Variants in CAMSAP1 observed in about 807,000 individuals in gnomAD.
CAMSAP1 encodes the protein calmodulin regulated spectrin associated protein 1.
Under a neutral mutation model 143.5 loss-of-function variants are expected in CAMSAP1, and 58 were observed. The ratio of observed to expected loss-of-function variants is 0.40; its 90% confidence interval spans 0.33 to 0.50. The LOEUF is 0.50. Among genes scored for constraint, CAMSAP1 ranks in the 20% least tolerant of loss-of-function variants. The pLI, the probability that CAMSAP1 is intolerant of heterozygous loss-of-function variation, is 0.45. For missense variants in CAMSAP1, 1,969 were observed against 2,115.7 expected, an observed-to-expected ratio of 0.93 and a Z score of 1.36; for synonymous variants, 945 against 859.3, an observed-to-expected ratio of 1.10 and a Z score of -1.74.
At chr9:135,902,360 C>T (rs1295842241) in intron 1 of CAMSAP1, among the ~76,000 whole-genome samples, 3 of 152,232 alleles carry the variant, frequency 2.0e-5, no homozygotes, top group Admixed American at 2.0e-4. Flanking sequence ...GCAGCCTCTT[C>T]ACACCAAGAC....
At chr9:135,813,854 T>A (rs1392423197) in intron 16 of CAMSAP1, among the ~76,000 whole-genome samples, 1 of 152,202 alleles carries the variant, frequency 6.6e-6, no homozygotes, top group Non-Finnish European at 1.5e-5. Flanking sequence ...GCTCAGGGCA[T>A]CCAGTCTCAA....
chr9:135,858,699 G>C (rs1334053182), intron 5 of CAMSAP1, among the ~76,000 whole-genome samples: 1 of 152,256 alleles, frequency 6.6e-6, no homozygotes, highest in Non-Finnish European at 1.5e-5. Flanking sequence ...GTGAATCAGA[G>C]GTGGCAGCAT....
chr9:135,811,533 A>G lies in CAMSAP1; in HGVS notation c.4585T>C (p.Tyr1529His). The change falls in exon 17 of 17, where the codon TAC becomes CAC. Residue 1529 changes from tyrosine (Y) to histidine (H), a missense_variant. By Grantham distance (83) the Tyr-to-His change is moderately conservative. This residue lies in a region of CAMSAP1 where 143 missense variants were observed against 200.6 expected (regional missense o/e 0.71). Coordinates refer to ENST00000389532, the MANE Select transcript of CAMSAP1 (RefSeq NM_015447.4). This position sits in a 1 kb window ranked among gnomAD's most constrained non-coding sequence, Gnocchi z 4.9. ...TAGATTTCCTCAGTATCAGGATAGT[A>G]GCAGTAAAGCGCCCTGAACTGGCAG... ...AGCQFRALYCYYPDTEEIYKL... is the reference protein window; with the variant it reads ...AGCQFRALYCHYPDTEEIYKL... 6.2e-7 allele frequency: 1 copy of G among 1,606,678 alleles called. No individual in the cohort carries two copies.
At chr9:135,901,858 T>C (rs1025439520) in intron 1 of CAMSAP1, among the ~76,000 whole-genome samples, 1 of 152,112 alleles carries the variant, frequency 6.6e-6, no homozygotes, top group Non-Finnish European at 1.5e-5. Context: ...TCCAAACTAA[T>C]CACTTACTAT....
intron 7 of CAMSAP1, among the ~76,000 whole-genome samples, chr9:135,833,227 G>A (rs1316981615): frequency 2.0e-5 from 3 of 151,088 alleles, no homozygotes; most frequent in Admixed American, 6.6e-5. Flanking sequence ...GACTACAGGC[G>A]CCCGCCACTA....
rs1240641301 is a variant in CAMSAP1 at position 135,818,743 on chromosome 9, C to A, written c.3960-127G>T. On this transcript the variant is annotated intron_variant, in intron 12 of 16. Coordinates refer to ENST00000389532, the MANE Select transcript of CAMSAP1 (RefSeq NM_015447.4). This position sits in a 1 kb window ranked among gnomAD's most constrained non-coding sequence, Gnocchi z 7.7. ...GCCGCTGGGACCAAGAGTGGCCAGC[C>A]TCCACAAGCGGGACACAGAGGCTGC... 36 of 1,227,194 alleles carry A rather than the reference C, an allele frequency of 2.9e-5. No individual in the cohort carries two copies. The highest frequency in any genetic ancestry group is 3.7e-5 in the Non-Finnish European group (33 of 897,450). 76.0% of individuals were successfully genotyped at this position (1,227,194 alleles called of 1,614,324 possible). A position where few individuals can be genotyped will look rare whatever the true frequency, so the allele number is the denominator to read the frequency against.
chr9:135,907,125 C>G lies in CAMSAP1; in HGVS notation c.35G>C (p.Gly12Ala). 8.9e-7 allele frequency: 1 copy of G among 1,120,754 alleles called. No homozygotes were observed. The allele number at this position is 1,120,754 out of a possible 1,614,324, so 69.4% of individuals were successfully genotyped here. ...CGGCGGGGCCTCCATCTTCCTCCAG[C>G]CCTCGGCGGCGGCGCGGCCGCTCGC... ...VDASGRAAAE[G>A]WRKMEAPPDG... Residue 12 changes from glycine (G) to alanine (A), a missense_variant, in exon 1 of 17, where the codon GGC becomes GCC. Gly to Ala is a moderately conservative substitution (Grantham distance 60). This residue lies in a region of CAMSAP1 where 215 missense variants were observed against 196.2 expected (regional missense o/e 1.10). Coordinates refer to ENST00000389532, the MANE Select transcript of CAMSAP1 (RefSeq NM_015447.4).
At chr9:135,840,075 G>T (rs992741983) in intron 7 of CAMSAP1, among the ~76,000 whole-genome samples, 5 of 152,178 alleles carry the variant, frequency 3.3e-5, no homozygotes, top group African/African-American at 4.8e-5. Context: ...AGGCAGCAAG[G>T]TAACTACAAT....
At chr9:135,827,623 T>C (rs1261616530) in intron 7 of CAMSAP1, 39 bp from the exon 8 acceptor site, 1 of 1,490,028 alleles carries the variant, frequency 6.7e-7, no homozygotes, top group South Asian at 1.3e-5. Context: ...CTTACAACAC[T>C]AACTGGAAGC....
rs772515288 is a variant in CAMSAP1 at position 135,827,471 on chromosome 9, G to T, written c.1159C>A (p.Pro387Thr). The change falls in exon 8 of 17, where the codon CCC becomes ACC. Residue 387 changes from proline (P) to threonine (T), a missense_variant. Physicochemically the swap from Pro to Thr is conservative, Grantham distance 38. Transcript: ENST00000389532. ...CAGCCTTCCGCCGGCAGCTGCACGG[G>T]GGGCTGCAGCTCAGCCAGGGTCCCT... ...AAGTLAELQP[P>T]VQLPAEGCHR... 3.1e-6 allele frequency: 5 copies of T among 1,609,552 alleles called. No individual in the cohort carries two copies. The East Asian group carries it at 1.1e-4, about 36-fold the overall frequency.
At chr9:135,880,543 G>A in intron 3 of CAMSAP1, among the ~76,000 whole-genome samples, 1 of 151,254 alleles carries the variant, frequency 6.6e-6, no homozygotes, top group South Asian at 2.1e-4. Flanking sequence ...TCAAGAGCAG[G>A]GCAACTGTCT....
At chr9:135,814,509 C>T (rs924073276) in intron 16 of CAMSAP1, among the ~76,000 whole-genome samples, 6 of 152,210 alleles carry the variant, frequency 3.9e-5, no homozygotes, top group African/African-American at 1.4e-4. Flanking sequence ...CAGCCTAGAC[C>T]CCGTGCAGGA....
rs750338154 is a variant in CAMSAP1 at position 135,818,137 on chromosome 9, G to C, written c.4169-58C>G. ...AACGGATTCCGACAGACAAGTACCT[G>C]TCCCCTGTACCTGTTCCCCTCACCT... On this transcript the variant is annotated intron_variant, in intron 13 of 16. Coordinates refer to ENST00000389532, the MANE Select transcript of CAMSAP1 (RefSeq NM_015447.4). This position sits in a 1 kb window ranked among gnomAD's most constrained non-coding sequence, Gnocchi z 7.7. 1.3e-6 allele frequency: 2 copies of C among 1,541,740 alleles called. No individual in the cohort carries two copies. The highest frequency in any genetic ancestry group is 1.8e-6 in the Non-Finnish European group (2 of 1,121,858).
intron 1 of CAMSAP1, among the ~76,000 whole-genome samples, chr9:135,884,173 AG>A (rs1204330446): frequency 2.0e-5 from 3 of 152,134 alleles, no homozygotes; most frequent in Non-Finnish European, 4.4e-5. Context: ...GAGTTTAGAA[AG>A]GACTACCACC....
chr9:135,885,403 C>T (rs1397341668), intron 1 of CAMSAP1, among the ~76,000 whole-genome samples: 1 of 152,154 alleles, frequency 6.6e-6, no homozygotes. Flanking sequence ...TGATGCAGTC[C>T]CCCTAGGAGA....
At chr9:135,814,675 C>T (rs1482389644) in intron 16 of CAMSAP1, among the ~76,000 whole-genome samples, 9 of 152,206 alleles carry the variant, frequency 5.9e-5, no homozygotes, top group East Asian at 1.9e-4. Flanking sequence ...CCCAACCCAC[C>T]GCTCCAGCCC....
chr9:135,843,694 A>ACC (rs1211779372), intron 7 of CAMSAP1, among the ~76,000 whole-genome samples: 1 of 151,460 alleles, frequency 6.6e-6, no homozygotes, highest in African/African-American at 2.4e-5. Context: ...ACACGCTGAA[A>ACC]CCCCGTCTCT....
rs576965838 is a variant in CAMSAP1, at chr9:135,884,899, C to T, written c.161-1821G>A. 2.0e-5 allele frequency among the ~76,000 whole-genome samples: 3 copies of T among 152,324 alleles called. No individual in the cohort carries two copies. In the South Asian group the frequency reaches 6.2e-4, roughly 32 times the overall value. ...TGTGGGCCCATGTTTGTCCAAGTTC[C>T]CTCCACCCATGGGCCGTGGAGGGAA... On this transcript the variant is annotated intron_variant, in intron 1 of 16. Transcript: ENST00000389532.
At position 135,826,015 on chromosome 9, in the gene CAMSAP1, C is replaced by T. The variant is rs1408883282; in HGVS notation, c.1224-1135G>A. ...AGGGCCACAATGCAAACCCTGCAGC[C>T]TGGACACCGTGGGGACAGTGGACCC... On this transcript the variant is annotated intron_variant, in intron 8 of 16. Transcript: ENST00000389532. This position sits in a 1 kb window ranked among gnomAD's most constrained non-coding sequence, Gnocchi z 4.4. The T allele has an allele frequency of 6.6e-6, 1 of 152,340 alleles. No homozygotes were observed. The highest frequency in any genetic ancestry group is 1.5e-5 in the Non-Finnish European group (1 of 68,128). The allele number at this position is 152,340 out of a possible 1,614,324, so 9.4% of individuals were successfully genotyped here.
Sources: gnomAD v4.1 joint callset for allele counts (sites outside exome capture counted in the v4.1 genomes callset) on GRCh38, gnomAD v4.1.1 for gene constraint, gnomAD v4.1.1 regional missense constraint, Gnocchi (gnomAD v3.1) non-coding constraint, MANE v1.5 for transcripts, NCBI Gene and HGNC (gene_info 2026-07-23, HGNC 2026-07-21) for gene names.